The following SEMA6D variants were observed in gnomAD, a reference collection of about 807,000 sequenced individuals.
SEMA6D encodes semaphorin-6D.
A neutral mutation model predicts 106.6 loss-of-function variants in SEMA6D; 35 were observed. That is an observed-to-expected ratio of 0.33 (90% confidence interval 0.25 to 0.44). The LOEUF (loss-of-function observed/expected upper bound fraction) is 0.44, where lower values mean the gene tolerates loss of function less well. SEMA6D is among the 20% of genes least tolerant of loss of function. SEMA6D has a pLI of 1.00. For missense variants in SEMA6D, 1,185 were observed against 1,345.9 expected, an observed-to-expected ratio of 0.88 and a Z score of 1.87; for synonymous variants, 499 against 487.7, an observed-to-expected ratio of 1.02 and a Z score of -0.31.
intron 1 of SEMA6D, among the ~76,000 whole-genome samples, chr15:47,310,590 TAACTTA>T (rs1246796588): frequency 3.3e-5 from 5 of 152,010 alleles, no homozygotes; most frequent in African/African-American, 1.2e-4. Context: ...ATGTTTTTTT[TAACTTA>T]AACTTAAGTA....
chr15:47,191,617 T>C (rs1253070613), intron 1 of SEMA6D, among the ~76,000 whole-genome samples: 1 of 152,122 alleles, frequency 6.6e-6, no homozygotes, highest in Non-Finnish European at 1.5e-5. Context: ...AAGAAATGAC[T>C]ATTAAAAAGA....
At chr15:47,289,725 G>C (rs960690774) in intron 1 of SEMA6D, among the ~76,000 whole-genome samples, 1 of 151,970 alleles carries the variant, frequency 6.6e-6, no homozygotes, top group African/African-American at 2.4e-5. Flanking sequence ...TAGAGAGGCA[G>C]AAAGAAAAAA....
intron 4 of SEMA6D, among the ~76,000 whole-genome samples, chr15:47,625,767 A>G (rs148094309): frequency 0.013 from 1,932 of 152,024 alleles, 22 homozygotes; most frequent in Middle Eastern, 0.041. Context: ...ATGTTTATTT[A>G]TTTATGAATT....
At chr15:47,674,237 C>T (rs1473588692) in intron 4 of SEMA6D, among the ~76,000 whole-genome samples, 1 of 152,122 alleles carries the variant, frequency 6.6e-6, no homozygotes, top group East Asian at 1.9e-4. Flanking sequence ...TTTCAGAAAT[C>T]AGTTTTAGGG....
chr15:47,406,797 G>T (rs967996682), intron 1 of SEMA6D, among the ~76,000 whole-genome samples: 3 of 143,782 alleles, frequency 2.1e-5, no homozygotes, highest in Admixed American at 7.1e-5. Context: ...AAAAAAAAAT[G>T]AAGTGACTTG....
chr15:47,196,835 A>C (rs570879175), intron 1 of SEMA6D, among the ~76,000 whole-genome samples: 1 of 152,188 alleles, frequency 6.6e-6, no homozygotes, highest in Non-Finnish European at 1.5e-5. Flanking sequence ...TTTATTCTCA[A>C]TATACACATA....
chr15:47,304,486 G>C (rs2036156118), intron 1 of SEMA6D, among the ~76,000 whole-genome samples: 1 of 138,382 alleles, frequency 7.2e-6, no homozygotes, highest in Admixed American at 7.3e-5. Context: ...TAGTGTAAAG[G>C]CACCTATTCT....
intron 1 of SEMA6D, among the ~76,000 whole-genome samples, chr15:47,225,766 G>C (rs575663873): frequency 6.6e-6 from 1 of 151,920 alleles, no homozygotes; most frequent in Admixed American, 6.6e-5. Context: ...CTGACCTCAG[G>C]TAATCCGCCC....
chr15:47,336,578 T>C (rs1009880901), intron 1 of SEMA6D, among the ~76,000 whole-genome samples: 4 of 152,156 alleles, frequency 2.6e-5, no homozygotes, highest in Admixed American at 2.0e-4. Context: ...ACACTGAAAC[T>C]TGAAATACCC....
chr15:47,676,076 G>C (rs1252166744), intron 4 of SEMA6D, among the ~76,000 whole-genome samples: 1 of 152,080 alleles, frequency 6.6e-6, no homozygotes, highest in Non-Finnish European at 1.5e-5. Flanking sequence ...CTCTGCAGTC[G>C]GCTCCAGCAA....
At chr15:47,433,495 A>G (rs1156278128) in intron 2 of SEMA6D, among the ~76,000 whole-genome samples, 1 of 152,080 alleles carries the variant, frequency 6.6e-6, no homozygotes, top group Non-Finnish European at 1.5e-5. Flanking sequence ...TTTTGCTTCA[A>G]AAGAATAGCA....
chr15:47,563,724 A>G (rs2046146330), intron 3 of SEMA6D, among the ~76,000 whole-genome samples: 6 of 152,236 alleles, frequency 3.9e-5, no homozygotes, highest in Admixed American at 3.9e-4. Flanking sequence ...TTATTTTTAA[A>G]TACCCAGTGT....
intron 3 of SEMA6D, among the ~76,000 whole-genome samples, chr15:47,517,503 C>T (rs2044427015): frequency 6.6e-6 from 1 of 152,096 alleles, no homozygotes; most frequent in African/African-American, 2.4e-5. Context: ...CTTCCTTTTT[C>T]ATTTTTAGAT....
intron 1 of SEMA6D, among the ~76,000 whole-genome samples, chr15:47,309,023 T>A (rs146854238): frequency 3.1e-4 from 47 of 152,300 alleles, no homozygotes; most frequent in African/African-American, 1.1e-3. Context: ...TACTGTAAGA[T>A]TGACATTTAT....
At chr15:47,537,424 C>T (rs2045205211) in intron 3 of SEMA6D, among the ~76,000 whole-genome samples, 1 of 152,124 alleles carries the variant, frequency 6.6e-6, no homozygotes, top group Non-Finnish European at 1.5e-5. Context: ...GCAGTGCCTC[C>T]CTCTGCTTAG....
chr15:47,555,801 A>G (rs2045899792), intron 3 of SEMA6D, among the ~76,000 whole-genome samples: 2 of 152,198 alleles, frequency 1.3e-5, no homozygotes, highest in African/African-American at 4.8e-5. Context: ...ATAGGTGATG[A>G]GCATAAATTG....
At chr15:47,755,329 C>CA (rs2081656044) in intron 1 of SEMA6D, among the ~76,000 whole-genome samples, 1 of 151,836 alleles carries the variant, frequency 6.6e-6, no homozygotes, top group Non-Finnish European at 1.5e-5. Context: ...TTTTCTTGCA[C>CA]AAAAAAAGCA....
At chr15:47,298,639 T>G (rs1182509177) in intron 1 of SEMA6D, among the ~76,000 whole-genome samples, 1 of 152,150 alleles carries the variant, frequency 6.6e-6, no homozygotes, top group East Asian at 1.9e-4. Flanking sequence ...TTTTCACATC[T>G]GCCCTCCAGC....
At chr15:47,396,379 G>T in intron 1 of SEMA6D, 1 of 152,856 alleles carries the variant, frequency 6.5e-6, no homozygotes, top group South Asian at 1.9e-4. Flanking sequence ...ACCATGATAG[G>T]CCGTCTGCAA....
Sources: allele counts gnomAD v4.1 joint callset (sites outside exome capture counted in the v4.1 genomes callset), GRCh38; gene constraint gnomAD v4.1.1; transcripts MANE v1.5; gene names NCBI Gene and HGNC (gene_info 2026-07-23, HGNC 2026-07-21).